The following RASA1 variants were observed in gnomAD, a reference collection of about 807,000 sequenced individuals.
The protein encoded by RASA1 is RAS p21 protein activator 1.
RASA1 carries 25 observed loss-of-function variants against 132.2 expected under a neutral mutation model. The observed-to-expected ratio is 0.19, with a 90% confidence interval of 0.14 to 0.26. The LOEUF (loss-of-function observed/expected upper bound fraction) is 0.26. Among genes scored for constraint, RASA1 ranks in the 10% least tolerant of loss-of-function variants. The probability of loss-of-function intolerance (pLI) is 1.00; values close to 1 mark genes in which losing one functional copy is unlikely to be tolerated. For synonymous variants in RASA1, 477 were observed against 449.9 expected (o/e 1.06, Z -0.76); for missense variants, 964 against 1,299.2 (o/e 0.74, Z 3.97).
chr5:87,367,569 C>G (rs1760617039), intron 11 of RASA1, among the ~76,000 whole-genome samples: 1 of 152,184 alleles, frequency 6.6e-6, no homozygotes, highest in Non-Finnish European at 1.5e-5. Flanking sequence ...ATTAAGAGAT[C>G]TCTAAGCACT....
intron 20 of RASA1, among the ~76,000 whole-genome samples, chr5:87,382,125 T>C (rs113706786): frequency 0.032 from 4,859 of 152,226 alleles, 160 homozygotes; most frequent in African/African-American, 0.074. Flanking sequence ...GCTATTTTTG[T>C]ATTTTTAGTA....
chr5:87,359,757 A>G (rs756527513), intron 9 of RASA1, among the ~76,000 whole-genome samples: 2 of 152,222 alleles, frequency 1.3e-5, no homozygotes, highest in Non-Finnish European at 2.9e-5. Flanking sequence ...CATTTTACAA[A>G]TAATTCGCAT....
At chr5:87,273,624 G>C (rs1753941719) in intron 1 of RASA1, among the ~76,000 whole-genome samples, 1 of 151,826 alleles carries the variant, frequency 6.6e-6, no homozygotes, top group African/African-American at 2.4e-5. Flanking sequence ...GATATATACT[G>C]CTTGCCCTTA....
intron 1 of RASA1, among the ~76,000 whole-genome samples, chr5:87,327,933 C>T (rs1185559121): frequency 6.6e-6 from 1 of 151,370 alleles, no homozygotes; most frequent in African/African-American, 2.4e-5. Flanking sequence ...TGGCACTGCA[C>T]CCCAACCTGG....
intron 6 of RASA1, among the ~76,000 whole-genome samples, chr5:87,342,575 T>A (rs1758552728): frequency 6.6e-6 from 1 of 152,234 alleles, no homozygotes; most frequent in African/African-American, 2.4e-5. Flanking sequence ...TTGATCTTTC[T>A]TATTTTCCCT....
intron 19 of RASA1, 134 bp downstream of exon 19, chr5:87,379,984 A>T: frequency 1.1e-6 from 1 of 944,530 alleles, no homozygotes; most frequent in Non-Finnish European, 1.6e-6. Context: ...AATCTTTATG[A>T]GATGAATTGT....
Position 87,349,302 on chromosome 5 carries a change from G to A in RASA1, c.1191G>A (p.Gln397=). ...ATTTCCGGACCAATGAAAATATTCA[G>A]CGATTTAAAATATGTCCAACGCCAA... is the stretch of plus-strand genomic sequence containing the variant. ...SLYFRTNENI[Q]RFKICPTPNN... The change falls in exon 8 of 25, where the codon CAG becomes CAA. Residue 397 remains glutamine (Q), a synonymous_variant. Transcript: ENST00000274376. 6.2e-7 allele frequency: 1 copy of A among 1,612,154 alleles called. No individual in the cohort carries two copies. Among genetic ancestry groups the A allele is most frequent in the Non-Finnish European group, 8.5e-7 (1 of 1,178,824 alleles).
Position 87,383,695 on chromosome 5 carries a change from A to C in RASA1, c.2691-18A>C. The C allele has an allele frequency of 1.3e-6, 2 of 1,591,406 alleles. No homozygotes were observed. The highest frequency in any genetic ancestry group is 1.7e-6 in the Non-Finnish European group (2 of 1,168,352). On this transcript the variant is annotated intron_variant, in intron 20 of 24. Transcript: ENST00000274376. ...GTGTTTTCTAAAAAAAAAAAAAAAAAATTTCCCTCCCATTCAGTGGTTTTG... is the reference window on the plus strand; with the variant it reads ...GTGTTTTCTAAAAAAAAAAAAAAAACATTTCCCTCCCATTCAGTGGTTTTG...
Position 87,268,345 on chromosome 5 carries a change from G to A in RASA1, c.-107G>A. 4 of 1,339,990 alleles carry A rather than the reference G, an allele frequency of 3.0e-6. No homozygotes were observed. The South Asian group carries it at 6.2e-5, about 21-fold the overall frequency. The allele number at this position is 1,339,990 out of a possible 1,614,324, so 83.0% of individuals were successfully genotyped here. ...TTTTGTTGTTGTTTCCTCAGCCTGGGGAGCTGAAGGGGAGACGCGTCTGGG... is the reference window on the plus strand; with the variant it reads ...TTTTGTTGTTGTTTCCTCAGCCTGGAGAGCTGAAGGGGAGACGCGTCTGGG... On this transcript the variant is annotated 5_prime_UTR_variant, in exon 1 of 25. Coordinates refer to ENST00000274376, the MANE Select transcript of RASA1 (RefSeq NM_002890.3).
chr5:87,292,416 T>C (rs1754949719), intron 1 of RASA1, among the ~76,000 whole-genome samples: 1 of 151,502 alleles, frequency 6.6e-6, no homozygotes, highest in South Asian at 2.1e-4. Context: ...GCCAGCACTG[T>C]TTGTTAAAAA....
intron 1 of RASA1, among the ~76,000 whole-genome samples, chr5:87,321,041 G>A (rs1362069770): frequency 6.6e-6 from 1 of 152,150 alleles, no homozygotes; most frequent in Non-Finnish European, 1.5e-5. Flanking sequence ...TGTGGTTTAG[G>A]AAGAAAGAGC....
chr5:87,302,463 A>T (rs1185694746), intron 1 of RASA1, among the ~76,000 whole-genome samples: 2 of 150,166 alleles, frequency 1.3e-5, no homozygotes, highest in Non-Finnish European at 3.0e-5. Flanking sequence ...TCTTTTGATG[A>T]GTATATATCT....
chr5:87,384,714 A>G (rs749535543), intron 21 of RASA1, among the ~76,000 whole-genome samples: 2 of 152,132 alleles, frequency 1.3e-5, no homozygotes, highest in Admixed American at 1.3e-4. Context: ...ATAGACACCA[A>G]TACTTTTCAT....
chr5:87,267,955 C>CG lies in RASA1; in HGVS notation c.-497_-496insG. 1 of 393,154 alleles carries CG rather than the reference C, an allele frequency of 2.5e-6. No homozygotes were observed. The highest frequency in any genetic ancestry group is 2.1e-5 in the African/African-American group (1 of 47,328). 24.4% of individuals were successfully genotyped at this position (393,154 alleles called of 1,614,324 possible). On this transcript the variant is annotated 5_prime_UTR_variant, in exon 1 of 25. Coordinates refer to ENST00000274376, the MANE Select transcript of RASA1 (RefSeq NM_002890.3). ...TACCCCGCCCCCCTTTCTCTTGCCC[C>CG]CCCACCCCTCTCATCTGCCTGGTGG...
chr5:87,376,206 A>G (rs1050836868), intron 15 of RASA1, 187 bp from the exon 16 acceptor site: 2 of 668,990 alleles, frequency 3.0e-6, no homozygotes, highest in Non-Finnish European at 5.1e-6. Context: ...TCTACCTATC[A>G]GAGTTTAGTG....
chr5:87,287,243 T>TACAC (rs1170702044), intron 1 of RASA1, among the ~76,000 whole-genome samples: 2 of 144,214 alleles, frequency 1.4e-5, no homozygotes, highest in African/African-American at 2.6e-5. Context: ...ACCATATATA[T>TACAC]ACCGTATATA....
intron 1 of RASA1, among the ~76,000 whole-genome samples, chr5:87,306,531 GATGAA>G (rs2112295504): frequency 6.6e-6 from 1 of 152,044 alleles, no homozygotes; most frequent in South Asian, 2.1e-4. Context: ...ATACCTGGGT[GATGAA>G]ATGATCTGTA....
At chr5:87,307,084 G>T (rs1184818252) in intron 1 of RASA1, among the ~76,000 whole-genome samples, 1 of 152,088 alleles carries the variant, frequency 6.6e-6, no homozygotes, top group Non-Finnish European at 1.5e-5. Context: ...GTCCAGGCTG[G>T]TATTGAACTC....
In RASA1 at chr5:87,389,518, T is replaced by C. The variant is rs769499105; in HGVS notation, c.3051T>C (p.Gly1017=). 6.2e-7 allele frequency: 1 copy of C among 1,614,036 alleles called. No individual in the cohort carries two copies. Among genetic ancestry groups the C allele is most frequent in the South Asian group, 1.1e-5 (1 of 91,090 alleles). Residue 1017 remains glycine, a synonymous_variant, in exon 24 of 25, where the codon GGT becomes GGC. Coordinates refer to ENST00000274376, the MANE Select transcript of RASA1 (RefSeq NM_002890.3). ...TTCGAACGCTCAGTAATGAGCGTGG[T>C]GCACAGCAGGTAGGCTTTCGCCAGC... ...DELRTLSNER[G]AQQHVLKKLL...
Sources: allele counts gnomAD v4.1 joint callset (sites outside exome capture counted in the v4.1 genomes callset), GRCh38; gene constraint gnomAD v4.1.1; transcripts MANE v1.5; gene names NCBI Gene and HGNC (gene_info 2026-07-23, HGNC 2026-07-21).